The following WTAP variants were observed in gnomAD, a reference collection of about 807,000 sequenced individuals.
WTAP encodes pre-mRNA-splicing regulator WTAP.
Under a neutral mutation model 50.0 loss-of-function variants are expected in WTAP, and 8 were observed. The ratio of observed to expected loss-of-function variants is 0.16; its 90% confidence interval spans 0.09 to 0.29. The LOEUF (loss-of-function observed/expected upper bound fraction) is 0.29. Among genes scored for constraint, WTAP ranks in the 10% least tolerant of loss-of-function variants. The pLI, the probability that WTAP is intolerant of heterozygous loss-of-function variation, is 1.00. For missense variants in WTAP, 295 were observed against 470.7 expected (o/e 0.63, Z 3.45); for synonymous variants, 194 against 169.0 (o/e 1.15, Z -1.15).
At chr6:159,737,890 T>C (rs1779018726) in intron 2 of WTAP, among the ~76,000 whole-genome samples, 1 of 152,250 alleles carries the variant, frequency 6.6e-6, no homozygotes, top group South Asian at 2.1e-4. Flanking sequence ...TGTTAGCTTA[T>C]GCCCTTCTTT....
At chr6:159,754,727 CTG>C (rs1779941818) in intron 7 of WTAP, among the ~76,000 whole-genome samples, 2 of 152,052 alleles carry the variant, frequency 1.3e-5, no homozygotes, top group Non-Finnish European at 2.9e-5. Flanking sequence ...GAAAAAAAAT[CTG>C]TACATGTTCA....
chr6:159,752,012 G>A (rs1256680477), intron 6 of WTAP, among the ~76,000 whole-genome samples: 1 of 149,860 alleles, frequency 6.7e-6, no homozygotes, highest in Non-Finnish European at 1.5e-5. Context: ...CCAGTGAGCT[G>A]AGATCACGCC....
rs1402868444 is a variant in WTAP, at chr6:159,755,749, GT to G, written c.*148del. ...TTTTTTTTTGTTGTTTTTTTTCTTT[GT>G]TTTTTTTTTCTTTTCTTTTTTTTTT... On this transcript the variant is annotated 3_prime_UTR_variant, in exon 8 of 8. Coordinates refer to ENST00000621533, the MANE Select transcript of WTAP (RefSeq NM_001270531.2). 8.8e-4 allele frequency: 283 copies of G among 321,312 alleles called. No individual in the cohort carries two copies. The highest frequency in any genetic ancestry group is 2.1e-3 in the African/African-American group (31 of 14,844). The allele number at this position is 321,312 out of a possible 1,614,324, so 19.9% of individuals were successfully genotyped here. A position where few individuals can be genotyped will look rare whatever the true frequency, so the allele number is the denominator to read the frequency against.
chr6:159,735,240 A>G (rs1042707032), intron 1 of WTAP, among the ~76,000 whole-genome samples: 1 of 152,148 alleles, frequency 6.6e-6, no homozygotes, highest in Admixed American at 6.5e-5. Context: ...TCCCAGGTTC[A>G]GGCGATTCCT....
At chr6:159,733,789 G>T (rs1778735589) in intron 1 of WTAP, among the ~76,000 whole-genome samples, 1 of 152,086 alleles carries the variant, frequency 6.6e-6, no homozygotes, top group Non-Finnish European at 1.5e-5. Context: ...GGTGGCGCAT[G>T]CCTGTAATCC....
At chr6:159,727,436 G>T, upstream of WTAP, 1 of 1,162,770 alleles carries the variant, frequency 8.6e-7, no homozygotes, top group South Asian at 1.6e-5. Context: ...CGTTCGGACC[G>T]GCTGTGGGGC....
intron 4 of WTAP, among the ~76,000 whole-genome samples, 187 bp from the exon 5 acceptor site, chr6:159,743,478 G>A (rs1779384591): frequency 6.6e-6 from 1 of 152,234 alleles, no homozygotes; most frequent in Non-Finnish European, 1.5e-5. Context: ...TAGTCATGGA[G>A]CACTATGACA....
intron 6 of WTAP, among the ~76,000 whole-genome samples, chr6:159,750,700 A>C (rs1779786696): frequency 6.6e-6 from 1 of 152,220 alleles, no homozygotes; most frequent in African/African-American, 2.4e-5. Flanking sequence ...ATGCTTACAT[A>C]GTATATTTCC....
intron 6 of WTAP, 88 bp from the exon 7 acceptor site, chr6:159,753,372 T>G (rs759702304): frequency 6.4e-7 from 1 of 1,552,324 alleles, no homozygotes; most frequent in Non-Finnish European, 8.9e-7. Flanking sequence ...GTTATGTTTG[T>G]ATGTGTTACA....
intron 6 of WTAP, 70 bp from the exon 7 acceptor site, chr6:159,753,390 C>G: frequency 6.3e-7 from 1 of 1,598,598 alleles, no homozygotes; most frequent in Non-Finnish European, 8.6e-7. Flanking sequence ...ACATCTATCA[C>G]TGTAATAATT....
intron 1 of WTAP, among the ~76,000 whole-genome samples, chr6:159,731,801 T>A (rs1282928778): frequency 2.0e-5 from 3 of 152,210 alleles, no homozygotes; most frequent in African/African-American, 7.2e-5. Flanking sequence ...TTTGCTACTT[T>A]TGTATTTGCA....
At position 159,748,819 on chromosome 6, in the gene WTAP, T is replaced by C. The variant is rs552947042; in HGVS notation, c.452+450T>C. The C allele has an allele frequency of 8.1e-7, 1 of 1,230,008 alleles. No homozygotes were observed. The highest frequency in any genetic ancestry group is 1.6e-5 in the African/African-American group (1 of 64,434). The allele number at this position is 1,230,008 out of a possible 1,614,324, so 76.2% of individuals were successfully genotyped here. A position where few individuals can be genotyped will look rare whatever the true frequency, so the allele number is the denominator to read the frequency against. ...ATTCCAGTAAAATGTAAAAACGGAA[T>C]ATGCATCGCTCTTAACCTTGAGCAT... is the stretch of plus-strand genomic sequence containing the variant. On this transcript the variant is annotated intron_variant, in intron 6 of 7. Coordinates refer to ENST00000621533, the MANE Select transcript of WTAP (RefSeq NM_001270531.2). The surrounding 1 kb of genome is among the most constrained non-coding windows in gnomAD (Gnocchi z 5.6).
Position 159,748,973 on chromosome 6 carries a change from A to G in WTAP, c.452+604A>G. On this transcript the variant is annotated intron_variant, in intron 6 of 7. Coordinates refer to ENST00000621533, the MANE Select transcript of WTAP (RefSeq NM_001270531.2). This position sits in a 1 kb window ranked among gnomAD's most constrained non-coding sequence, Gnocchi z 5.6. ...TTAAAGGGTTTATTTGCTGAGAACC[A>G]ACTTTCAATAGTCATGAGAGAATCA... The G allele has an allele frequency of 9.5e-7, 1 of 1,055,804 alleles. No homozygotes were observed. Among genetic ancestry groups the G allele is most frequent in the Non-Finnish European group, 1.1e-6 (1 of 876,048 alleles). 65.4% of individuals were successfully genotyped at this position (1,055,804 alleles called of 1,614,324 possible). A position where few individuals can be genotyped will look rare whatever the true frequency, so the allele number is the denominator to read the frequency against.
At position 159,727,561 on chromosome 6, in the gene WTAP, G is replaced by T. The variant is rs940088923; in HGVS notation, c.-151G>T. On this transcript the variant is annotated 5_prime_UTR_variant, in exon 1 of 8. Coordinates refer to ENST00000621533, the MANE Select transcript of WTAP (RefSeq NM_001270531.2). Reference sequence around the variant, plus strand: ...CCCACAAATAAAGGGGAGCGCAGGGGTTGCGGCGGGACTAGGAGCGCGGCG... The same window carrying T: ...CCCACAAATAAAGGGGAGCGCAGGGTTTGCGGCGGGACTAGGAGCGCGGCG... 1.0e-6 allele frequency: 1 copy of T among 988,850 alleles called. No individual in the cohort carries two copies. Among genetic ancestry groups the T allele is most frequent in the African/African-American group, 1.7e-5 (1 of 57,274 alleles). 61.3% of individuals were successfully genotyped at this position (988,850 alleles called of 1,614,324 possible). A position where few individuals can be genotyped will look rare whatever the true frequency, so the allele number is the denominator to read the frequency against.
Position 159,755,760 on chromosome 6 carries a change from CTTTTCTTTTTTTT to C in WTAP, c.*154_*166del. The C allele has an allele frequency of 3.5e-6, 1 of 281,890 alleles. No homozygotes were observed. Among genetic ancestry groups the C allele is most frequent in the African/African-American group, 5.3e-5 (1 of 18,880 alleles). 17.5% of individuals were successfully genotyped at this position (281,890 alleles called of 1,614,324 possible). On this transcript the variant is annotated 3_prime_UTR_variant, in exon 8 of 8. Transcript: ENST00000621533. ...TGTTTTTTTTCTTTGTTTTTTTTTT[CTTTTCTTTTTTTT>C]TTTTTTTTTTTTTTTTTGCTTCAAT...
chr6:159,748,185 G>A lies in WTAP; in HGVS notation c.274-6G>A. The A allele has an allele frequency of 1.2e-6, 2 of 1,613,236 alleles. No homozygotes were observed. The highest frequency in any genetic ancestry group is 1.7e-6 in the Non-Finnish European group (2 of 1,179,498). On this transcript the variant is annotated splice_region_variant and splice_polypyrimidine_tract_variant and intron_variant, in intron 5 of 7. Transcript: ENST00000621533. The surrounding 1 kb of genome is among the most constrained non-coding windows in gnomAD (Gnocchi z 5.6). The stretch of plus-strand genomic sequence containing the variant: ...TGGTCGTAATTGTTTCTTTTGCTTT[G>A]CACAGACTCAAATCCAGTACCTCAA...
At chr6:159,736,017 ACT>A (rs1337754912) in intron 1 of WTAP, among the ~76,000 whole-genome samples, 7 of 152,262 alleles carry the variant, frequency 4.6e-5, no homozygotes, top group Admixed American at 2.0e-4. Flanking sequence ...CTACCCAATA[ACT>A]CTAATGATGG....
In WTAP at chr6:159,755,860, T is replaced by G; in HGVS notation, c.*249T>G. ...TTTGAATGTTGCTAAAAGGACATTTTGTGTAGGGTCAAGTTATTTTTATAT... is the reference window on the plus strand; with the variant it reads ...TTTGAATGTTGCTAAAAGGACATTTGGTGTAGGGTCAAGTTATTTTTATAT... On this transcript the variant is annotated 3_prime_UTR_variant, in exon 8 of 8. Coordinates refer to ENST00000621533, the MANE Select transcript of WTAP (RefSeq NM_001270531.2). The G allele has an allele frequency of 1.8e-6, 1 of 557,548 alleles. No individual in the cohort carries two copies. The highest frequency in any genetic ancestry group is 2.7e-6 in the Non-Finnish European group (1 of 377,354). The allele number at this position is 557,548 out of a possible 1,614,324, so 34.5% of individuals were successfully genotyped here. A position where few individuals can be genotyped will look rare whatever the true frequency, so the allele number is the denominator to read the frequency against.
upstream of WTAP, chr6:159,727,463 G>T: frequency 1.0e-6 from 1 of 1,000,000 alleles, no homozygotes; most frequent in South Asian, 4.0e-5. Flanking sequence ...GGGCGGAGCG[G>T]AGCCGTGCGG....
Sources: gnomAD v4.1 joint callset for allele counts (sites outside exome capture counted in the v4.1 genomes callset) on GRCh38, gnomAD v4.1.1 for gene constraint, Gnocchi (gnomAD v3.1) non-coding constraint, MANE v1.5 for transcripts, NCBI Gene and HGNC (gene_info 2026-07-23, HGNC 2026-07-21) for gene names.